Variants in ALKAL1 observed in about 807,000 individuals in gnomAD.
The protein encoded by ALKAL1 is ALK and LTK ligand 1.
A neutral mutation model predicts 13.5 loss-of-function variants in ALKAL1; 23 were observed. That is an observed-to-expected ratio of 1.70 (90% CI 1.23 to 2.41). The LOEUF (loss-of-function observed/expected upper bound fraction) is 2.41, where lower values mean the gene tolerates loss of function less well. ALKAL1 is among the 30% of genes most tolerant of loss of function. ALKAL1 has a pLI of 0.00. For missense variants in ALKAL1, 181 were observed against 178.4 expected, an observed-to-expected ratio of 1.01 and a Z score of -0.08; for synonymous variants, 85 against 77.7, an observed-to-expected ratio of 1.09 and a Z score of -0.49.
chr8:52,539,365 G>T (rs1847292232), intron 3 of ALKAL1, among the ~76,000 whole-genome samples: 2 of 151,970 alleles, frequency 1.3e-5, no homozygotes, highest in East Asian at 1.9e-4. Context: ...GTATCCAAAA[G>T]AATTCATTAT....
intron 1 of ALKAL1, 136 bp downstream of exon 1, chr8:52,564,931 G>A: frequency 1.6e-6 from 1 of 628,216 alleles, no homozygotes; most frequent in Non-Finnish European, 2.3e-6. Context: ...CCGAGAGCTG[G>A]GAATCTGCAG....
intron 1 of ALKAL1, among the ~76,000 whole-genome samples, chr8:52,555,625 G>A (rs995014033): frequency 4.6e-5 from 7 of 152,040 alleles, no homozygotes; most frequent in African/African-American, 1.7e-4. Flanking sequence ...CTGACTCTGG[G>A]CCAACATTCC....
At chr8:52,545,219 C>T (rs1269994971) in intron 1 of ALKAL1, among the ~76,000 whole-genome samples, 1 of 152,146 alleles carries the variant, frequency 6.6e-6, no homozygotes, top group African/African-American at 2.4e-5. Context: ...CCATTAATTC[C>T]TAAATAAGAT....
intron 1 of ALKAL1, among the ~76,000 whole-genome samples, chr8:52,561,931 C>G (rs1332349222): frequency 6.6e-6 from 1 of 152,218 alleles, no homozygotes; most frequent in Non-Finnish European, 1.5e-5. Flanking sequence ...AGTACCCTTA[C>G]ACTGCTGCCT....
chr8:52,544,043 C>T (rs538188556), intron 1 of ALKAL1, among the ~76,000 whole-genome samples: 5 of 152,078 alleles, frequency 3.3e-5, no homozygotes, highest in African/African-American at 9.6e-5. Flanking sequence ...GATGGGGCAC[C>T]GTGTGTGTCT....
intron 1 of ALKAL1, among the ~76,000 whole-genome samples, chr8:52,544,991 C>A (rs1048148534): frequency 1.3e-5 from 2 of 152,164 alleles, no homozygotes; most frequent in Non-Finnish European, 2.9e-5. Flanking sequence ...TCACAGCTCA[C>A]TGAAGCCTCC....
chr8:52,540,350 T>C (rs1386431223), intron 2 of ALKAL1, among the ~76,000 whole-genome samples: 2 of 152,194 alleles, frequency 1.3e-5, no homozygotes, highest in Non-Finnish European at 2.9e-5. Context: ...TTGTGTCTTA[T>C]TACTGTCTAG....
intron 1 of ALKAL1, among the ~76,000 whole-genome samples, chr8:52,550,813 T>G (rs755338919): frequency 7.2e-5 from 11 of 152,150 alleles, no homozygotes; most frequent in African/African-American, 1.4e-4. Context: ...ATGGCCATCA[T>G]CTTATTAAGA....
At chr8:52,553,258 G>A (rs1003948142) in intron 1 of ALKAL1, among the ~76,000 whole-genome samples, 1 of 152,128 alleles carries the variant, frequency 6.6e-6, no homozygotes, top group Non-Finnish European at 1.5e-5. Context: ...TGAGGCAGAA[G>A]GATCCCTTGA....
intron 2 of ALKAL1, among the ~76,000 whole-genome samples, chr8:52,541,594 C>A (rs1847312732): frequency 6.6e-6 from 1 of 152,002 alleles, no homozygotes; most frequent in Admixed American, 6.6e-5. Flanking sequence ...GTGGTGAAAC[C>A]CCATCTCTAC....
chr8:52,552,785 T>C (rs922264965), intron 1 of ALKAL1, among the ~76,000 whole-genome samples: 1 of 152,224 alleles, frequency 6.6e-6, no homozygotes, highest in Non-Finnish European at 1.5e-5. Context: ...TTAAAAACTT[T>C]CTGGCATTAT....
chr8:52,553,976 C>A (rs988170816), intron 1 of ALKAL1, among the ~76,000 whole-genome samples: 1 of 152,174 alleles, frequency 6.6e-6, no homozygotes, highest in African/African-American at 2.4e-5. Context: ...GTAATCCCAG[C>A]ATTTTGGGAG....
At chr8:52,552,765 T>C (rs1163013617) in intron 1 of ALKAL1, among the ~76,000 whole-genome samples, 1 of 152,236 alleles carries the variant, frequency 6.6e-6, no homozygotes, top group Admixed American at 6.5e-5. Flanking sequence ...TTTGTATTTG[T>C]TATCACTTTT....
In ALKAL1 at chr8:52,542,546, G is replaced by A; in HGVS notation, c.191-101C>T. The A allele has an allele frequency of 6.9e-6, 5 of 723,728 alleles. No homozygotes were observed. The South Asian group carries it at 9.3e-5, about 13-fold the overall frequency. 44.8% of individuals were successfully genotyped at this position (723,728 alleles called of 1,614,324 possible). A position where few individuals can be genotyped will look rare whatever the true frequency, so the allele number is the denominator to read the frequency against. On this transcript the variant is annotated intron_variant, in intron 1 of 4. Transcript: ENST00000358543. ...TACTTAATAAGGCACTAAACACATG[G>A]ATTTGTGACAGTTTATTTAGCTGAT...
intron 4 of ALKAL1, among the ~76,000 whole-genome samples, chr8:52,537,973 G>A (rs190680173): frequency 1.3e-4 from 20 of 152,038 alleles, no homozygotes; most frequent in East Asian, 7.8e-4. Flanking sequence ...GCACGTGCCT[G>A]TAGTCCCAGC....
intron 1 of ALKAL1, among the ~76,000 whole-genome samples, chr8:52,554,555 G>A (rs1253105183): frequency 6.6e-6 from 1 of 152,188 alleles, no homozygotes; most frequent in African/African-American, 2.4e-5. Context: ...CAGAACACAG[G>A]TTTAGGTAGA....
intron 1 of ALKAL1, among the ~76,000 whole-genome samples, chr8:52,546,053 A>T (rs923850840): frequency 6.6e-6 from 1 of 152,224 alleles, no homozygotes; most frequent in African/African-American, 2.4e-5. Context: ...GTGAATCTAA[A>T]CATATCTATA....
At chr8:52,540,668 G>C (rs943325531) in intron 2 of ALKAL1, among the ~76,000 whole-genome samples, 2 of 152,078 alleles carry the variant, frequency 1.3e-5, no homozygotes, top group African/African-American at 4.8e-5. Flanking sequence ...CCAGGAGATG[G>C]AGGCTGCAGT....
At chr8:52,555,730 G>A (rs547971163) in intron 1 of ALKAL1, among the ~76,000 whole-genome samples, 204 of 152,100 alleles carry the variant, frequency 1.3e-3, no homozygotes, top group Middle Eastern at 6.8e-3. Flanking sequence ...CCAATCCTAC[G>A]CCCACTCACC....
Sources: allele counts gnomAD v4.1 joint callset (sites outside exome capture counted in the v4.1 genomes callset), GRCh38; gene constraint gnomAD v4.1.1; transcripts MANE v1.5; gene names NCBI Gene and HGNC (gene_info 2026-07-23, HGNC 2026-07-21).